The following RABGAP1L variants were observed in gnomAD, a reference collection of about 807,000 sequenced individuals.
RABGAP1L encodes the protein RAB GTPase activating protein 1 like.
In RABGAP1L, 63 loss-of-function variants were observed where a neutral mutation model predicts 137.7. That is an observed-to-expected ratio of 0.46 (90% confidence interval 0.37 to 0.56). The LOEUF is 0.56. RABGAP1L is among the 20% of genes least tolerant of loss of function. The pLI, the probability that RABGAP1L is intolerant of heterozygous loss-of-function variation, is 0.00. For synonymous variants in RABGAP1L, 431 were observed against 433.7 expected (o/e 0.99, Z 0.08); for missense variants, 1,095 against 1,244.0 (o/e 0.88, Z 1.80).
chr1:174,565,153 G>C (rs558961048), intron 13 of RABGAP1L, among the ~76,000 whole-genome samples: 14 of 152,182 alleles, frequency 9.2e-5, no homozygotes, highest in Admixed American at 7.9e-4. Context: ...AGATGGGATG[G>C]GTTTGGTGGA....
At chr1:174,674,217 T>TTCC (rs1677410118) in intron 14 of RABGAP1L, among the ~76,000 whole-genome samples, 1 of 151,254 alleles carries the variant, frequency 6.6e-6, no homozygotes, top group African/African-American at 2.4e-5. Context: ...TAGGTGTATC[T>TTCC]CCTAATGCTA....
intron 13 of RABGAP1L, among the ~76,000 whole-genome samples, chr1:174,561,414 G>T (rs1020364852): frequency 3.9e-5 from 6 of 152,136 alleles, no homozygotes; most frequent in Admixed American, 3.3e-4. Flanking sequence ...AATCAGTATC[G>T]TGAAAATGGC....
intron 13 of RABGAP1L, among the ~76,000 whole-genome samples, chr1:174,414,674 A>G (rs1391238589): frequency 6.6e-6 from 1 of 152,138 alleles, no homozygotes; most frequent in Non-Finnish European, 1.5e-5. Flanking sequence ...TTAAAGTTAC[A>G]AATTTTGGTA....
intron 7 of RABGAP1L, among the ~76,000 whole-genome samples, chr1:174,253,224 T>C (rs1185576043): frequency 1.3e-5 from 2 of 152,108 alleles, no homozygotes; most frequent in South Asian, 2.1e-4. Flanking sequence ...AAGAAACATA[T>C]GTAAAGAGGT....
intron 13 of RABGAP1L, among the ~76,000 whole-genome samples, chr1:174,431,940 T>C (rs1652684633): frequency 6.6e-6 from 1 of 152,180 alleles, no homozygotes; most frequent in African/African-American, 2.4e-5. Flanking sequence ...GGGATCATTT[T>C]TCTTTTTCTT....
intron 16 of RABGAP1L, among the ~76,000 whole-genome samples, 174 bp from the exon 17 acceptor site, chr1:174,701,939 A>G (rs1372680789): frequency 6.6e-6 from 1 of 152,110 alleles, no homozygotes; most frequent in Non-Finnish European, 1.5e-5. Flanking sequence ...TATCTGTCAT[A>G]TCCCTAATTC....
intron 13 of RABGAP1L, among the ~76,000 whole-genome samples, chr1:174,554,639 T>G (rs1280776650): frequency 6.6e-6 from 1 of 152,322 alleles, no homozygotes; most frequent in Admixed American, 6.5e-5. Context: ...TGAAAAGACA[T>G]ATTTTAAAAT....
At chr1:174,858,196 T>C (rs1166584761) in intron 19 of RABGAP1L, among the ~76,000 whole-genome samples, 1 of 152,092 alleles carries the variant, frequency 6.6e-6, no homozygotes. Context: ...TAAAACTTTT[T>C]TGTAGAGATG....
chr1:174,567,890 C>T (rs1366036863), intron 13 of RABGAP1L, among the ~76,000 whole-genome samples: 1 of 152,170 alleles, frequency 6.6e-6, no homozygotes, highest in Non-Finnish European at 1.5e-5. Flanking sequence ...CCAGTCTCAG[C>T]ATTGCCGTAT....
chr1:174,964,700 C>T, intron 20 of RABGAP1L: 1 of 881,674 alleles, frequency 1.1e-6, no homozygotes, highest in Non-Finnish European at 1.5e-6. Context: ...CTGTAAACAG[C>T]AATGTGGAGA....
chr1:174,772,812 C>A (rs934633776), intron 18 of RABGAP1L, among the ~76,000 whole-genome samples: 7 of 152,086 alleles, frequency 4.6e-5, no homozygotes, highest in Non-Finnish European at 1.5e-5. Context: ...ACTCTAGGTA[C>A]CTCATGTAAG....
chr1:174,385,546 C>T (rs930404600), intron 12 of RABGAP1L, among the ~76,000 whole-genome samples: 1 of 152,166 alleles, frequency 6.6e-6, no homozygotes, highest in Non-Finnish European at 1.5e-5. Flanking sequence ...AGATTACTTA[C>T]GGAGTGAGTT....
chr1:174,383,169 T>C (rs1258231152), intron 12 of RABGAP1L, among the ~76,000 whole-genome samples: 16 of 151,176 alleles, frequency 1.1e-4, no homozygotes, highest in South Asian at 2.1e-4. Context: ...AGCTGCGTGC[T>C]GGGAGAACCA....
At chr1:174,617,230 A>C (rs1476848032) in intron 13 of RABGAP1L, among the ~76,000 whole-genome samples, 1 of 152,242 alleles carries the variant, frequency 6.6e-6, no homozygotes, top group African/African-American at 2.4e-5. Flanking sequence ...GGATTAATCA[A>C]GTTTCAGCTT....
In RABGAP1L at chr1:174,457,032, T is replaced by C. The variant is rs1035254439; in HGVS notation, c.1710+62887T>C. ...GGACTCTTAAGAGTAACTCATTGAA[T>C]TGTGTGAATCCAATAAGCAGGAAAA... On this transcript the variant is annotated intron_variant, in intron 13 of 25. Coordinates refer to ENST00000681986, the MANE Select transcript of RABGAP1L (RefSeq NM_001366446.1). Among the ~76,000 whole-genome samples the C allele has an allele frequency of 7.2e-5, 11 of 152,190 alleles. No individual in the cohort carries two copies. The East Asian group carries it at 1.5e-3, about 21-fold the overall frequency.
Position 174,990,217 on chromosome 1 carries a change from GC to G in RABGAP1L, c.*218del. On this transcript the variant is annotated 3_prime_UTR_variant, in exon 26 of 26. Transcript: ENST00000681986. Reference sequence around the variant, plus strand: ...ATACCTATTTTCCAGCTTCTGGAAGGCCATGTTCAGATCCATCATAGTATTA... The same window carrying G: ...ATACCTATTTTCCAGCTTCTGGAAGGCATGTTCAGATCCATCATAGTATTA... The G allele has an allele frequency of 1.9e-6, 1 of 514,312 alleles. No individual in the cohort carries two copies. Among genetic ancestry groups the G allele is most frequent in the Non-Finnish European group, 3.3e-6 (1 of 303,492 alleles). 31.9% of individuals were successfully genotyped at this position (514,312 alleles called of 1,614,324 possible).
chr1:174,500,845 C>T (rs1177191349), intron 13 of RABGAP1L, among the ~76,000 whole-genome samples: 1 of 152,076 alleles, frequency 6.6e-6, no homozygotes, highest in Admixed American at 6.6e-5. Flanking sequence ...GGACATGGGC[C>T]TTCTATAAAA....
At chr1:174,438,124 T>G (rs953880120) in intron 13 of RABGAP1L, among the ~76,000 whole-genome samples, 2 of 152,120 alleles carry the variant, frequency 1.3e-5, no homozygotes, top group Admixed American at 6.5e-5. Flanking sequence ...CATGCCAAAT[T>G]GTAAAGACCA....
intron 19 of RABGAP1L, among the ~76,000 whole-genome samples, chr1:174,926,889 A>G (rs972275309): frequency 6.6e-6 from 1 of 151,968 alleles, no homozygotes; most frequent in Non-Finnish European, 1.5e-5. Flanking sequence ...CCTGGCCAAT[A>G]TGGTGAAACC....
Sources: allele counts gnomAD v4.1 joint callset (sites outside exome capture counted in the v4.1 genomes callset), GRCh38; gene constraint gnomAD v4.1.1; transcripts MANE v1.5; gene names NCBI Gene and HGNC (gene_info 2026-07-23, HGNC 2026-07-21).